The following TMEM268 variants were observed in gnomAD, a reference collection of about 807,000 sequenced individuals.
TMEM268 encodes transmembrane protein C9orf91.
In TMEM268, 24 loss-of-function variants were observed where a neutral mutation model predicts 39.1. The ratio of observed to expected loss-of-function variants is 0.61; its 90% CI spans 0.44 to 0.86. The LOEUF is 0.86. Ranked by LOEUF, TMEM268 falls within the 40% of genes least tolerant of loss-of-function variation. The pLI, the probability that TMEM268 is intolerant of heterozygous loss-of-function variation, is 0.00. For synonymous variants in TMEM268, 176 were observed against 173.5 expected, an observed-to-expected ratio of 1.01 and a Z score of -0.12; for missense variants, 409 against 428.6, an observed-to-expected ratio of 0.95 and a Z score of 0.40.
rs1827443271 is a variant in TMEM268, at chr9:114,643,401, T to G, written c.*88T>G. On this transcript the variant is annotated 3_prime_UTR_variant, in exon 9 of 9. Coordinates refer to ENST00000288502, the MANE Select transcript of TMEM268 (RefSeq NM_153045.4). ...AAGATGGCCAATGGGGAGCCCCAGG[T>G]GAGGAGAGAAGCATCTGGGGGCACT... 2.4e-6 allele frequency: 3 copies of G among 1,257,314 alleles called. No homozygotes were observed. The highest frequency in any genetic ancestry group is 3.4e-6 in the Non-Finnish European group (3 of 881,328). The allele number at this position is 1,257,314 out of a possible 1,614,324, so 77.9% of individuals were successfully genotyped here. A position where few individuals can be genotyped will look rare whatever the true frequency, so the allele number is the denominator to read the frequency against.
intron 1 of TMEM268, among the ~76,000 whole-genome samples, chr9:114,615,198 T>C (rs978682466): frequency 7.9e-5 from 12 of 152,064 alleles, no homozygotes; most frequent in Non-Finnish European, 1.3e-4. Flanking sequence ...TGCTGGGTGG[T>C]GTCACTGCTT....
upstream of TMEM268, among the ~76,000 whole-genome samples, chr9:114,608,814 AAATG>A (rs1360761241): frequency 2.0e-5 from 3 of 152,254 alleles, no homozygotes; most frequent in Admixed American, 2.0e-4. Context: ...GTGGATAAAT[AAATG>A]AATGAACTTC....
chr9:114,645,794 G>A lies in TMEM268; in HGVS notation c.*2481G>A, dbSNP rs1251603529. ...TTTTTGATGGTCTCACCTGGTGGGT[G>A]GGGCTTTCAGGGTATGCCCACAATG... On this transcript the variant is annotated 3_prime_UTR_variant, in exon 9 of 9. Transcript: ENST00000288502. 6.6e-6 allele frequency: 1 copy of A among 152,180 alleles called. No individual in the cohort carries two copies. Among genetic ancestry groups the A allele is most frequent in the African/African-American group, 2.4e-5 (1 of 41,424 alleles). 9.4% of individuals were successfully genotyped at this position (152,180 alleles called of 1,614,324 possible).
rs5900104 is a variant in TMEM268 at position 114,636,505 on chromosome 9, C to CTTTTCT, written c.586-482_586-481insTCTTTT. Among the ~76,000 whole-genome samples the CTTTTCT allele has an allele frequency of 4.9e-3, 701 of 143,256 alleles. 4 individuals are homozygous for CTTTTCT. The highest frequency in any genetic ancestry group is 0.016 in the African/African-American group (573 of 35,832). The allele number at this position is 143,256 out of a possible 152,430, so 94.0% of individuals were successfully genotyped here. On this transcript the variant is annotated intron_variant, in intron 6 of 8. Coordinates refer to ENST00000288502, the MANE Select transcript of TMEM268 (RefSeq NM_153045.4). ...TTAACTTTTTCTTTTCTTTTCTTTT[C>CTTTTCT]TTTCTTTTCTTTTCAGACAGAGTCT...
chr9:114,605,237 C>T, the TMEM268 span, among the ~76,000 whole-genome samples: 2 of 152,222 alleles, frequency 1.3e-5, no homozygotes, highest in Non-Finnish European at 2.9e-5. Context: ...TCTGGCAGAT[C>T]TCAGAGTGTT....
intron 1 of TMEM268, among the ~76,000 whole-genome samples, chr9:114,612,303 C>A (rs758294488): frequency 6.6e-6 from 1 of 152,142 alleles, no homozygotes; most frequent in Admixed American, 6.5e-5. Context: ...GGGGAGTTGA[C>A]CTTGTGCAAG....
chr9:114,627,564 A>G (rs1846217032), intron 4 of TMEM268, among the ~76,000 whole-genome samples: 1 of 152,142 alleles, frequency 6.6e-6, no homozygotes, highest in Non-Finnish European at 1.5e-5. Flanking sequence ...TGTATGTATA[A>G]ATGGTCAAAT....
chr9:114,624,709 C>G (rs1846086730), intron 3 of TMEM268, among the ~76,000 whole-genome samples: 1 of 152,204 alleles, frequency 6.6e-6, no homozygotes, highest in Admixed American at 6.5e-5. Flanking sequence ...TAGGGGTGGA[C>G]AGGACACAGT....
rs1330073408 is a variant in TMEM268 at position 114,646,248 on chromosome 9, A to G, written c.*2935A>G. ...TGTTTATTCTAATCCAAGTTCTTCC[A>G]CTTAAAAACAATGTTCTTCCTCTCA... On this transcript the variant is annotated 3_prime_UTR_variant, in exon 9 of 9. Coordinates refer to ENST00000288502, the MANE Select transcript of TMEM268 (RefSeq NM_153045.4). 1 of 152,162 alleles carries G rather than the reference A, an allele frequency of 6.6e-6. No individual in the cohort carries two copies. The highest frequency in any genetic ancestry group is 2.4e-5 in the African/African-American group (1 of 41,432). The allele number at this position is 152,162 out of a possible 1,614,324, so 9.4% of individuals were successfully genotyped here. A position where few individuals can be genotyped will look rare whatever the true frequency, so the allele number is the denominator to read the frequency against.
At chr9:114,642,057 C>T (rs1386944005) in intron 8 of TMEM268, among the ~76,000 whole-genome samples, 1 of 152,116 alleles carries the variant, frequency 6.6e-6, no homozygotes, top group Admixed American at 6.5e-5. Flanking sequence ...ACCATCTTAA[C>T]CATTTTAAGT....
intron 3 of TMEM268, among the ~76,000 whole-genome samples, chr9:114,625,707 T>C (rs1846131933): frequency 1.3e-5 from 2 of 151,696 alleles, no homozygotes. Context: ...CCTCCCAAAG[T>C]GCTGGGATTA....
rs188944226 is a variant in TMEM268, at chr9:114,646,357, T to C, written c.*3044T>C. 6 of 152,402 alleles carry C rather than the reference T, an allele frequency of 3.9e-5. No homozygotes were observed. In the East Asian group the frequency reaches 9.5e-4, roughly 24 times the overall value. The allele number at this position is 152,402 out of a possible 1,614,324, so 9.4% of individuals were successfully genotyped here. On this transcript the variant is annotated 3_prime_UTR_variant, in exon 9 of 9. Coordinates refer to ENST00000288502, the MANE Select transcript of TMEM268 (RefSeq NM_153045.4). ...GTAAGGATTAAATGGTGTAAAAAAA[T>C]GTCAAGTGCTTGCAACTTTGAATAC...
At chr9:114,621,976 A>C in intron 2 of TMEM268, 16 of 377,460 alleles carry the variant, frequency 4.2e-5, no homozygotes, top group South Asian at 1.1e-4. Flanking sequence ...ACTGTGTGGA[A>C]GATGCATTGT....
intron 5 of TMEM268, 29 bp downstream of exon 5, chr9:114,628,279 T>A (rs1211610489): frequency 1.9e-6 from 3 of 1,607,712 alleles, no homozygotes; most frequent in Non-Finnish European, 2.5e-6. Context: ...CCTGCCACAC[T>A]CTCTCCAGAA....
chr9:114,610,473 G>C (rs756560117), upstream of TMEM268, among the ~76,000 whole-genome samples: 1 of 152,224 alleles, frequency 6.6e-6, no homozygotes, highest in African/African-American at 2.4e-5. Context: ...AAGGTACTTT[G>C]TCGAATGAAA....
At chr9:114,635,949 G>A (rs558359628) in intron 6 of TMEM268, among the ~76,000 whole-genome samples, 1 of 152,320 alleles carries the variant, frequency 6.6e-6, no homozygotes, top group Non-Finnish European at 1.5e-5. Context: ...AAGCTTTAAA[G>A]GAACCATTTG....
chr9:114,636,355 C>T (rs1236310381), intron 6 of TMEM268, among the ~76,000 whole-genome samples: 1 of 152,128 alleles, frequency 6.6e-6, no homozygotes, highest in East Asian at 1.9e-4. Context: ...TTTGCATGTT[C>T]ACGCCCCGCC....
In TMEM268 at chr9:114,644,351, G is replaced by T. The variant is rs898781114; in HGVS notation, c.*1038G>T. 6.6e-6 allele frequency: 1 copy of T among 152,274 alleles called. No individual in the cohort carries two copies. Among genetic ancestry groups the T allele is most frequent in the Admixed American group, 6.5e-5 (1 of 15,270 alleles). The allele number at this position is 152,274 out of a possible 1,614,324, so 9.4% of individuals were successfully genotyped here. A position where few individuals can be genotyped will look rare whatever the true frequency, so the allele number is the denominator to read the frequency against. On this transcript the variant is annotated 3_prime_UTR_variant, in exon 9 of 9. Coordinates refer to ENST00000288502, the MANE Select transcript of TMEM268 (RefSeq NM_153045.4). ...CATACCTATTCCTTTCCATTTGTTG[G>T]ACTCCTATTCATGCTTCAAAGTCCA...
intron 8 of TMEM268, 97 bp from the exon 9 acceptor site, chr9:114,643,036 AG>A: frequency 7.8e-7 from 1 of 1,283,228 alleles, no homozygotes; most frequent in Non-Finnish European, 1.1e-6. Context: ...TGCTGGGTCC[AG>A]GGGCAAGAAA....
Sources: allele counts gnomAD v4.1 joint callset (sites outside exome capture counted in the v4.1 genomes callset), GRCh38; gene constraint gnomAD v4.1.1; transcripts MANE v1.5; gene names NCBI Gene and HGNC (gene_info 2026-07-23, HGNC 2026-07-21).